NCF1: variants seen among roughly 807,000 people sequenced by gnomAD.
NCF1 encodes neutrophil cytosol factor 1.
In NCF1, 8 loss-of-function variants were observed where a neutral mutation model predicts 34.9. The ratio of observed to expected loss-of-function variants is 0.23; its 90% CI spans 0.13 to 0.41. The LOEUF is 0.41. Ranked by LOEUF, NCF1 falls within the 10% of genes least tolerant of loss-of-function variation. NCF1 has a pLI of 1.00. For missense variants in NCF1, 122 were observed against 362.4 expected (o/e 0.34, Z 5.39); for synonymous variants, 57 against 146.3 (o/e 0.39, Z 4.41).
Position 74,788,496 on chromosome 7 carries a change from A to G in NCF1, c.906-63A>G, listed in dbSNP as rs1796713362. The G allele has an allele frequency of 6.8e-6, 10 of 1,478,118 alleles. No individual in the cohort carries two copies. In the South Asian group the frequency reaches 1.1e-4, roughly 17 times the overall value. 91.6% of individuals were successfully genotyped at this position (1,478,118 alleles called of 1,614,324 possible). ...CCACTTCCTCGGACCAGGGGTGCCC[A>G]TCTGAGTCCCTGGGGGCAGGGGCGC... On this transcript the variant is annotated intron_variant, in intron 9 of 10. Transcript: ENST00000289473.
intron 5 of NCF1, among the ~76,000 whole-genome samples, chr7:74,782,420 G>A (rs1470880576): frequency 2.4e-5 from 1 of 41,328 alleles, no homozygotes; most frequent in Admixed American, 2.7e-4. Context: ...GTGACAGAGC[G>A]AGACTCCATC....
At chr7:74,787,164 C>T (rs2131608619) in intron 8 of NCF1, among the ~76,000 whole-genome samples, 1 of 151,712 alleles carries the variant, frequency 6.6e-6, no homozygotes, top group South Asian at 2.1e-4. Flanking sequence ...TGGGGCTGGA[C>T]AGGGAGCTCA....
intron 1 of NCF1, among the ~76,000 whole-genome samples, 188 bp from the exon 2 acceptor site, chr7:74,777,079 G>A (rs1300999982): frequency 1.2e-4 from 18 of 148,420 alleles, no homozygotes; most frequent in Non-Finnish European, 2.5e-4. Flanking sequence ...CTTGCCCTGG[G>A]TCTCAAGGCT....
At position 74,777,278 on chromosome 7, in the gene NCF1, C is replaced by T. The variant is rs782732294; in HGVS notation, c.84C>T (p.Phe28=). The change falls in exon 2 of 11, where the codon TTC becomes TTT. Residue 28 remains phenylalanine, a synonymous_variant. Coordinates refer to ENST00000289473, the MANE Select transcript of NCF1 (RefSeq NM_000265.7). The part of the protein sequence containing the change: ...FVPSQHYVYM[F]LVKWQDLSEK... ...TGGCTTTCCCCCAGGTGTACATGTT[C>T]CTGGTGAAATGGCAGGACCTGTCGG... 1 of 1,612,694 alleles carries T rather than the reference C, an allele frequency of 6.2e-7. No individual in the cohort carries two copies. The highest frequency in any genetic ancestry group is 1.1e-5 in the South Asian group (1 of 91,036).
rs1256339242 is a variant in NCF1 at position 74,781,200 on chromosome 7, G to A, written c.451+365G>A. Among the ~76,000 whole-genome samples, 8 of 25,230 alleles carry A rather than the reference G, an allele frequency of 3.2e-4. 2 individuals carry two copies. Among genetic ancestry groups the A allele is most frequent in the African/African-American group, 1.0e-3 (5 of 4,884 alleles). The allele number at this position is 25,230 out of a possible 152,430, so 16.6% of individuals were successfully genotyped here. On this transcript the variant is annotated intron_variant, in intron 5 of 10. Transcript: ENST00000289473. ...ACGGAGTTTGCAGTGAGCCGAGATC[G>A]TGCCACTGCACTCCAGCCTGGGCAG... is the stretch of plus-strand genomic sequence containing the variant.
rs782694259 is a variant in NCF1, at chr7:74,783,108, C to T, written c.574+47C>T. 16 of 1,581,336 alleles carry T rather than the reference C, an allele frequency of 1.0e-5. No individual in the cohort carries two copies. The African/African-American group carries it at 2.2e-4, about 21-fold the overall frequency. ...GGCTCCTTCCCCTGGTGCTCAGGAA[C>T]CCACAGCCACAAGCCCCCTGCCAAG... On this transcript the variant is annotated intron_variant, in intron 6 of 10. Coordinates refer to ENST00000289473, the MANE Select transcript of NCF1 (RefSeq NM_000265.7).
chr7:74,783,761 A>T (rs1226292985), intron 7 of NCF1, 129 bp downstream of exon 7: 4 of 1,379,368 alleles, frequency 2.9e-6, no homozygotes, highest in Non-Finnish European at 3.9e-6. Context: ...CTAAGATCTC[A>T]TCGACTCTGG....
At chr7:74,783,798 C>A (rs1430512569) in intron 7 of NCF1, among the ~76,000 whole-genome samples, 166 bp downstream of exon 7, 20 of 152,240 alleles carry the variant, frequency 1.3e-4, no homozygotes, top group Admixed American at 1.2e-3. Flanking sequence ...GGTTGTGATG[C>A]CCTTGGTCTG....
At chr7:74,787,071 C>A (rs1554414625) in intron 8 of NCF1, among the ~76,000 whole-genome samples, 1 of 149,952 alleles carries the variant, frequency 6.7e-6, no homozygotes, top group Non-Finnish European at 1.5e-5. Flanking sequence ...AAACCTAGAC[C>A]CCTTCCTCAC....
chr7:74,781,557 G>A (rs1197204489), intron 5 of NCF1: 1 of 152,210 alleles, frequency 6.6e-6, no homozygotes, highest in African/African-American at 2.5e-5. Flanking sequence ...TTCAGTGACA[G>A]GGTCTCGCTC....
intron 2 of NCF1, chr7:74,778,265 C>T: frequency 3.3e-6 from 1 of 306,860 alleles, no homozygotes; most frequent in Non-Finnish European, 6.3e-6. Flanking sequence ...CACAGGTGTG[C>T]ACCACCACAC....
intron 6 of NCF1, 155 bp downstream of exon 6, chr7:74,783,216 T>C (rs1563004148): frequency 6.9e-6 from 10 of 1,443,338 alleles, no homozygotes; most frequent in Non-Finnish European, 9.5e-6. Context: ...TCGCCTTCTG[T>C]CTTAGTGTGC....
intron 1 of NCF1, among the ~76,000 whole-genome samples, chr7:74,775,957 T>C (rs1796463079): frequency 5.0e-5 from 7 of 140,326 alleles, no homozygotes; most frequent in Non-Finnish European, 9.3e-5. Context: ...TCTTTTTTTT[T>C]TTTTTATGAG....
intron 5 of NCF1, among the ~76,000 whole-genome samples, chr7:74,782,001 G>A (rs1796577156): frequency 6.7e-6 from 1 of 150,180 alleles, no homozygotes; most frequent in Admixed American, 6.7e-5. Context: ...TTTTGAGAAG[G>A]CGGATGTCAG....
intron 8 of NCF1, chr7:74,785,575 A>C: frequency 2.7e-6 from 1 of 371,580 alleles, no homozygotes; most frequent in Non-Finnish European, 5.3e-6. Context: ...AACATGGTGA[A>C]CTGTTGTATA....
chr7:74,782,809 G>A, intron 5 of NCF1, 130 bp from the exon 6 acceptor site: 2 of 975,222 alleles, frequency 2.1e-6, no homozygotes, highest in South Asian at 2.7e-5. Context: ...TGAAGTGTGA[G>A]GCCGAAGCCT....
intron 8 of NCF1, among the ~76,000 whole-genome samples, chr7:74,787,703 C>T (rs1554414751): frequency 1.4e-5 from 2 of 142,514 alleles, no homozygotes; most frequent in African/African-American, 5.3e-5. Flanking sequence ...CAGGCGTGAG[C>T]GACCGTGCCC....
rs587600267 is a variant in NCF1, at chr7:74,783,764, G to A, written c.682+132G>A. 102 of 1,501,924 alleles carry A rather than the reference G, an allele frequency of 6.8e-5. 1 individual carries two copies. In the East Asian group the frequency reaches 2.0e-3, roughly 29 times the overall value. 93.0% of individuals were successfully genotyped at this position (1,501,924 alleles called of 1,614,324 possible). A position where few individuals can be genotyped will look rare whatever the true frequency, so the allele number is the denominator to read the frequency against. ...GAAAAGTCAGGGCTAAGATCTCATC[G>A]ACTCTGGCTTGGGGGCCCTGGCAGG... On this transcript the variant is annotated intron_variant, in intron 7 of 10. Transcript: ENST00000289473.
In NCF1 at chr7:74,788,996, T is replaced by TGG. The variant is rs1796728503; in HGVS notation, c.1052-42_1052-41insGG. On this transcript the variant is annotated intron_variant, in intron 10 of 10. Transcript: ENST00000289473. ...GAGAGCGCTGTGGGCGGGGCCAGTG[T>TGG]GCGGGGCGGGGCGTCTGACTCGGCC... 5.4e-5 allele frequency: 12 copies of TGG among 221,474 alleles called. 1 individual carries two copies. In the East Asian group the frequency reaches 1.2e-3, roughly 23 times the overall value. The allele number at this position is 221,474 out of a possible 1,614,324, so 13.7% of individuals were successfully genotyped here.
Sources: gnomAD v4.1 joint callset for allele counts (sites outside exome capture counted in the v4.1 genomes callset) on GRCh38, gnomAD v4.1.1 for gene constraint, MANE v1.5 for transcripts, NCBI Gene and HGNC (gene_info 2026-07-23, HGNC 2026-07-21) for gene names.